Variants in RGS7 observed in about 807,000 individuals in gnomAD.
RGS7 encodes the protein regulator of G protein signaling 7, also known as regulator of G-protein signaling 7.
RGS7 carries 27 observed loss-of-function variants against 81.1 expected under a neutral mutation model. The observed-to-expected ratio is 0.33, with a 90% confidence interval of 0.25 to 0.46. RGS7 has a LOEUF of 0.46. RGS7 is among the 20% of genes least tolerant of loss of function. RGS7 has a pLI of 1.00. For synonymous variants in RGS7, 208 were observed against 207.7 expected, an observed-to-expected ratio of 1.00 and a Z score of -0.01; for missense variants, 396 against 607.4, an observed-to-expected ratio of 0.65 and a Z score of 3.66.
At chr1:240,995,230 A>G (rs1687087371) in intron 3 of RGS7, among the ~76,000 whole-genome samples, 1 of 152,162 alleles carries the variant, frequency 6.6e-6, no homozygotes, top group South Asian at 2.1e-4. Context: ...ATATATTGCT[A>G]AATTCTATTT....
chr1:241,174,934 G>A (rs1443466873), intron 2 of RGS7, among the ~76,000 whole-genome samples: 5 of 105,996 alleles, frequency 4.7e-5, no homozygotes, highest in East Asian at 6.5e-4. Flanking sequence ...ACGGAGTCCC[G>A]AACTGTCACC....
At chr1:240,860,843 A>G (rs929196419) in intron 9 of RGS7, among the ~76,000 whole-genome samples, 3 of 152,212 alleles carry the variant, frequency 2.0e-5, no homozygotes, top group Non-Finnish European at 4.4e-5. Context: ...TTTTGGTCTC[A>G]TGTCTACAAC....
intron 9 of RGS7, among the ~76,000 whole-genome samples, chr1:240,840,420 T>G (rs901176601): frequency 6.6e-6 from 1 of 152,040 alleles, no homozygotes; most frequent in Non-Finnish European, 1.5e-5. Flanking sequence ...ACTACAGGCA[T>G]GCGCCACCAT....
At chr1:241,161,874 C>T (rs1248864625) in intron 2 of RGS7, among the ~76,000 whole-genome samples, 2 of 152,056 alleles carry the variant, frequency 1.3e-5, no homozygotes, top group Non-Finnish European at 2.9e-5. Context: ...CCTGCTACCA[C>T]GCCTGGCTAA....
In RGS7 at chr1:241,012,427, A is replaced by T. The variant is rs2059005588; in HGVS notation, c.176-29298T>A. On this transcript the variant is annotated intron_variant, in intron 3 of 18. Transcript: ENST00000440928. ...AGATCTGGGAAGAAACTTTCCCCAG[A>T]TGACAGTAAGTCACCAGACAGTGGC... Among the ~76,000 whole-genome samples, 3 of 152,178 alleles carry T rather than the reference A, an allele frequency of 2.0e-5. No individual in the cohort carries two copies. The South Asian group carries it at 6.2e-4, about 32-fold the overall frequency.
chr1:240,855,329 G>GAAAAAAAAAAAA, intron 9 of RGS7, among the ~76,000 whole-genome samples: 1 of 114,840 alleles, frequency 8.7e-6, no homozygotes, highest in African/African-American at 3.6e-5. Context: ...AAAAAAAAAG[G>GAAAAAAAAAAAA]AGAAACAAAG....
intron 6 of RGS7, among the ~76,000 whole-genome samples, chr1:240,930,054 T>C (rs1191013065): frequency 2.0e-5 from 3 of 152,124 alleles, no homozygotes. Context: ...TTAAAAACCA[T>C]GCAATCTTGT....
intron 4 of RGS7, among the ~76,000 whole-genome samples, chr1:240,942,879 G>A (rs151192497): frequency 2.8e-4 from 43 of 152,000 alleles, no homozygotes; most frequent in Non-Finnish European, 4.7e-4. Context: ...TCTCATATGC[G>A]GAACATTTTA....
At chr1:240,887,226 G>GTTTTTTTTTT (rs71297739) in intron 6 of RGS7, among the ~76,000 whole-genome samples, 3 of 76,432 alleles carry the variant, frequency 3.9e-5, no homozygotes, top group African/African-American at 1.1e-4. Context: ...GAGTATATAG[G>GTTTTTTTTTT]TTTTTTTTTT....
chr1:240,932,526 T>TTTTTTTTTA (rs1675638725), intron 5 of RGS7, among the ~76,000 whole-genome samples: 8 of 150,350 alleles, frequency 5.3e-5, no homozygotes, highest in Admixed American at 2.0e-4. Context: ...TTTTTTTTTT[T>TTTTTTTTTA]GAGACAGGGT....
chr1:240,776,378 C>G (rs555937256), intron 18 of RGS7, among the ~76,000 whole-genome samples, 165 bp from the exon 19 acceptor site: 7 of 151,590 alleles, frequency 4.6e-5, no homozygotes, highest in African/African-American at 1.7e-4. Context: ...CTGCCTTCCC[C>G]CCTCCCTCCC....
chr1:240,913,898 T>C (rs934915636), intron 6 of RGS7, among the ~76,000 whole-genome samples: 2 of 152,104 alleles, frequency 1.3e-5, no homozygotes, highest in Admixed American at 1.3e-4. Context: ...TTTTTTTTGT[T>C]TTTTTAATTT....
intron 2 of RGS7, among the ~76,000 whole-genome samples, chr1:241,106,349 T>C (rs935736360): frequency 1.3e-5 from 2 of 152,278 alleles, no homozygotes; most frequent in East Asian, 1.9e-4. Context: ...CGACTAAAAA[T>C]AGAAACTAGT....
intron 2 of RGS7, among the ~76,000 whole-genome samples, chr1:241,124,684 G>A (rs531442791): frequency 9.9e-5 from 15 of 152,206 alleles, no homozygotes; most frequent in South Asian, 4.1e-4. Flanking sequence ...GACCTGAATC[G>A]TGGCAGGAGA....
intron 4 of RGS7, among the ~76,000 whole-genome samples, chr1:240,968,370 C>T (rs146614892): frequency 1.4e-4 from 21 of 152,220 alleles, no homozygotes; most frequent in African/African-American, 5.1e-4. Context: ...CCGAAAATAA[C>T]ACAAATCACA....
intron 6 of RGS7, among the ~76,000 whole-genome samples, chr1:240,884,507 T>C (rs898567080): frequency 1.3e-5 from 2 of 152,206 alleles, no homozygotes; most frequent in African/African-American, 2.4e-5. Flanking sequence ...TGTTTTTGTA[T>C]ACTGCAGGGC....
intron 18 of RGS7, among the ~76,000 whole-genome samples, chr1:240,777,273 ACT>A (rs1326493878): frequency 2.0e-5 from 3 of 149,622 alleles, no homozygotes; most frequent in Non-Finnish European, 4.4e-5. Flanking sequence ...CAAGAGCGAG[ACT>A]CTGTCTCAAA....
At position 241,163,020 on chromosome 1, in the gene RGS7, T is replaced by G. The variant is rs1263642108; in HGVS notation, c.79-64258A>C. Among the ~76,000 whole-genome samples, 1 of 152,168 alleles carries G rather than the reference T, an allele frequency of 6.6e-6. No homozygotes were observed. Among genetic ancestry groups the G allele is most frequent in the Non-Finnish European group, 1.5e-5 (1 of 68,026 alleles). On this transcript the variant is annotated intron_variant, in intron 2 of 18. Coordinates refer to ENST00000440928, the MANE Select transcript of RGS7 (RefSeq NM_001364886.1). This position sits in a 1 kb window ranked among gnomAD's most constrained non-coding sequence, Gnocchi z 4.6. Reference sequence around the variant, plus strand: ...AAATGTGTTGAAGATGGGAGTTAAATTGTTTTGGAATTTGCCACTACATAA... The same window carrying G: ...AAATGTGTTGAAGATGGGAGTTAAAGTGTTTTGGAATTTGCCACTACATAA...
intron 2 of RGS7, among the ~76,000 whole-genome samples, chr1:241,215,906 G>A (rs1012714534): frequency 5.9e-5 from 9 of 152,188 alleles, no homozygotes; most frequent in Non-Finnish European, 8.8e-5. Flanking sequence ...TTGGTTTAAT[G>A]TGTAACCATG....
Sources: allele counts gnomAD v4.1 joint callset (sites outside exome capture counted in the v4.1 genomes callset), GRCh38; gene constraint gnomAD v4.1.1; non-coding constraint Gnocchi (gnomAD v3.1); transcripts MANE v1.5; gene names NCBI Gene and HGNC (gene_info 2026-07-23, HGNC 2026-07-21).